AGMO: variants seen among roughly 807,000 people sequenced by gnomAD.
The protein encoded by AGMO is alkylglycerol monooxygenase.
A neutral mutation model predicts 60.2 loss-of-function variants in AGMO; 75 were observed. The ratio of observed to expected loss-of-function variants is 1.25; its 90% CI spans 1.03 to 1.51. AGMO has a LOEUF of 1.51. Ranked by LOEUF, AGMO falls within the 40% of genes most tolerant of loss-of-function variation. The pLI is 0.00. For missense variants in AGMO, 763 were observed against 525.5 expected, an observed-to-expected ratio of 1.45 and a Z score of -4.42; for synonymous variants, 261 against 177.1, an observed-to-expected ratio of 1.47 and a Z score of -3.76.
At chr7:15,339,226 C>T (rs1054022587) in intron 12 of AGMO, among the ~76,000 whole-genome samples, 1 of 152,080 alleles carries the variant, frequency 6.6e-6, no homozygotes, top group South Asian at 2.1e-4. Context: ...TGCTGAGGGG[C>T]CTGCAAAAAT....
At chr7:15,505,239 A>T (rs1783481622) in intron 3 of AGMO, among the ~76,000 whole-genome samples, 1 of 151,984 alleles carries the variant, frequency 6.6e-6, no homozygotes, top group East Asian at 1.9e-4. Context: ...AAATAACAGG[A>T]TTAAGAAATT....
chr7:15,281,837 A>G (rs1018717592), intron 12 of AGMO, among the ~76,000 whole-genome samples: 2 of 152,128 alleles, frequency 1.3e-5, no homozygotes, highest in African/African-American at 4.8e-5. Flanking sequence ...GAATGAGATA[A>G]GCCTCAAGAA....
At chr7:15,406,319 GTA>G (rs553656155) in intron 5 of AGMO, among the ~76,000 whole-genome samples, 6,249 of 133,786 alleles carry the variant, frequency 0.047, 2 homozygotes, top group African/African-American at 0.11. Flanking sequence ...ATATATATGT[GTA>G]TATATATGGA....
At chr7:15,465,742 A>C (rs1054352732) in intron 3 of AGMO, among the ~76,000 whole-genome samples, 3 of 151,750 alleles carry the variant, frequency 2.0e-5, no homozygotes, top group Admixed American at 6.6e-5. Context: ...ACCACACCTA[A>C]GTCTCATATA....
chr7:15,152,146 C>G, the AGMO span, among the ~76,000 whole-genome samples: 1 of 151,852 alleles, frequency 6.6e-6, no homozygotes, highest in Non-Finnish European at 1.5e-5. Flanking sequence ...AATGCAATAC[C>G]CTTCTTTGTC....
chr7:15,187,221 A>G, the AGMO span, among the ~76,000 whole-genome samples: 1 of 152,220 alleles, frequency 6.6e-6, no homozygotes, highest in African/African-American at 2.4e-5. Flanking sequence ...AGTTACTTGG[A>G]AAATTAGAGT....
intron 3 of AGMO, among the ~76,000 whole-genome samples, chr7:15,508,418 T>C (rs905554818): frequency 1.5e-4 from 23 of 152,176 alleles, no homozygotes; most frequent in Non-Finnish European, 2.8e-4. Flanking sequence ...AGTGGGTTGT[T>C]TGTTTTCATA....
chr7:15,313,289 C>T (rs553670515), intron 12 of AGMO, among the ~76,000 whole-genome samples: 1 of 152,148 alleles, frequency 6.6e-6, no homozygotes, highest in South Asian at 2.1e-4. Flanking sequence ...ACACACGATG[C>T]TAAACATTTT....
At chr7:15,393,654 G>C (rs1038914961) in intron 6 of AGMO, among the ~76,000 whole-genome samples, 1 of 152,106 alleles carries the variant, frequency 6.6e-6, no homozygotes, top group South Asian at 2.1e-4. Context: ...AGCTTATACT[G>C]AGATTGTTCA....
chr7:15,449,614 T>C (rs1263506382), intron 3 of AGMO, among the ~76,000 whole-genome samples: 2 of 152,194 alleles, frequency 1.3e-5, no homozygotes, highest in Non-Finnish European at 2.9e-5. Context: ...AGGTGTGTAG[T>C]AGGCTATACC....
chr7:15,387,283 T>A (rs1783954596), intron 9 of AGMO, 123 bp downstream of exon 9: 3 of 1,131,084 alleles, frequency 2.7e-6, no homozygotes, highest in South Asian at 3.1e-5. Context: ...ACCACAGGAC[T>A]GCATCTGACT....
At chr7:15,210,286 T>A (rs1423155825) in intron 12 of AGMO, among the ~76,000 whole-genome samples, 1 of 152,198 alleles carries the variant, frequency 6.6e-6, no homozygotes, top group Non-Finnish European at 1.5e-5. Flanking sequence ...CTTTTTCATA[T>A]GTTCAAAAAT....
intron 3 of AGMO, among the ~76,000 whole-genome samples, chr7:15,450,699 G>A (rs1419894353): frequency 6.6e-6 from 1 of 151,934 alleles, no homozygotes; most frequent in East Asian, 1.9e-4. Context: ...AAAGCTCTTG[G>A]CTTCTACAAT....
intron 12 of AGMO, among the ~76,000 whole-genome samples, chr7:15,319,482 T>G (rs1055711467): frequency 6.6e-6 from 1 of 152,044 alleles, no homozygotes; most frequent in Non-Finnish European, 1.5e-5. Context: ...AAACAAAGCT[T>G]TGCATGCTCT....
chr7:15,328,538 T>A (rs151318763), intron 12 of AGMO, among the ~76,000 whole-genome samples: 42 of 152,260 alleles, frequency 2.8e-4, no homozygotes, highest in Middle Eastern at 3.4e-3. Flanking sequence ...CAGGAATAAT[T>A]GAAAGACCAA....
rs151093094 is a variant in AGMO at position 15,538,942 on chromosome 7, T to C, written c.409+5830A>G. Among the ~76,000 whole-genome samples the C allele has an allele frequency of 1.5e-4, 23 of 152,206 alleles. 1 individual carries two copies. The highest frequency in any genetic ancestry group is 4.3e-4 in the African/African-American group (18 of 41,554). Reference sequence around the variant, plus strand: ...GAATTTTAAAATGAATTAAGCAATGTGTTGAGGAAAAAAAGTTACAGTTTG... The same window carrying C: ...GAATTTTAAAATGAATTAAGCAATGCGTTGAGGAAAAAAAGTTACAGTTTG... On this transcript the variant is annotated intron_variant, in intron 3 of 12. Transcript: ENST00000342526.
At chr7:15,283,413 A>C (rs1479298754) in intron 12 of AGMO, among the ~76,000 whole-genome samples, 1 of 152,078 alleles carries the variant, frequency 6.6e-6, no homozygotes, top group East Asian at 1.9e-4. Context: ...AATGGAAACC[A>C]AATGTAAGCA....
At chr7:15,152,801 AG>A in the AGMO span, among the ~76,000 whole-genome samples, 4 of 152,140 alleles carry the variant, frequency 2.6e-5, no homozygotes, top group Non-Finnish European at 5.9e-5. Context: ...GCTGCTATAA[AG>A]GTGTGTATGC....
intron 3 of AGMO, among the ~76,000 whole-genome samples, chr7:15,541,284 G>A (rs1018601507): frequency 2.6e-5 from 4 of 151,950 alleles, no homozygotes; most frequent in Non-Finnish European, 4.4e-5. Flanking sequence ...CACCACACCT[G>A]CTAATTTTTG....
Sources: allele counts gnomAD v4.1 joint callset (sites outside exome capture counted in the v4.1 genomes callset), GRCh38; gene constraint gnomAD v4.1.1; transcripts MANE v1.5; gene names NCBI Gene and HGNC (gene_info 2026-07-23, HGNC 2026-07-21).